SSB: variants seen among roughly 807,000 people sequenced by gnomAD.
The protein encoded by SSB is small RNA binding exonuclease protection factor La.
Under a neutral mutation model 52.9 loss-of-function variants are expected in SSB, and 17 were observed. That is an observed-to-expected ratio of 0.32 (90% CI 0.22 to 0.48). SSB has a LOEUF of 0.48. SSB is among the 20% of genes least tolerant of loss of function. The pLI, the probability that SSB is intolerant of heterozygous loss-of-function variation, is 0.99. For missense variants in SSB, 314 were observed against 463.6 expected, an observed-to-expected ratio of 0.68 and a Z score of 2.96; for synonymous variants, 111 against 152.1, an observed-to-expected ratio of 0.73 and a Z score of 1.99.
chr2:169,806,286 G>T (rs1430126115), intron 4 of SSB, among the ~76,000 whole-genome samples: 1 of 152,040 alleles, frequency 6.6e-6, no homozygotes, highest in Admixed American at 6.6e-5. Context: ...CTTCATAAAC[G>T]TGGATATTTT....
intron 8 of SSB, 53 bp downstream of exon 8, chr2:169,808,955 T>C: frequency 2.1e-6 from 3 of 1,436,478 alleles, no homozygotes; most frequent in Non-Finnish European, 2.9e-6. Flanking sequence ...GTTAAATGAA[T>C]AGCTTTTAAG....
Position 169,811,913 on chromosome 2 carries a change from T to C in SSB, c.*157T>C. On this transcript the variant is annotated 3_prime_UTR_variant, in exon 12 of 12. Coordinates refer to ENST00000260956, the MANE Select transcript of SSB (RefSeq NM_003142.5). ...TTAACTTGTCTTTTTGTTATGCAAA[T>C]GAGATTTCTTTGAATGTATTGTTCT... 1.9e-6 allele frequency: 3 copies of C among 1,565,978 alleles called. No homozygotes were observed. The highest frequency in any genetic ancestry group is 2.6e-6 in the Non-Finnish European group (3 of 1,141,752).
At chr2:169,804,522 A>G (rs1169784570) in intron 2 of SSB, among the ~76,000 whole-genome samples, 1 of 151,814 alleles carries the variant, frequency 6.6e-6, no homozygotes, top group Non-Finnish European at 1.5e-5. Context: ...AAGTGCTGGG[A>G]TTAGGCATGA....
At chr2:169,810,200 G>A in intron 8 of SSB, 83 bp from the exon 9 acceptor site, 2 of 1,002,240 alleles carry the variant, frequency 2.0e-6, no homozygotes, top group Non-Finnish European at 2.7e-6. Context: ...TCTTTTTCTT[G>A]TATAGCTATA....
chr2:169,808,815 T>C, intron 7 of SSB, 45 bp from the exon 8 acceptor site: 1 of 1,411,436 alleles, frequency 7.1e-7, no homozygotes, highest in African/African-American at 1.5e-5. Flanking sequence ...TTAATTTTCT[T>C]ATATAGTAAA....
At chr2:169,811,120 C>CAA (rs1172175978) in intron 10 of SSB, 63 bp from the exon 11 acceptor site, 1 of 1,591,088 alleles carries the variant, frequency 6.3e-7, no homozygotes, top group African/African-American at 1.4e-5. Context: ...AATCAGTGTT[C>CAA]AAAAACATTG....
chr2:169,806,319 G>C (rs1381704009), intron 4 of SSB, among the ~76,000 whole-genome samples: 1 of 151,986 alleles, frequency 6.6e-6, no homozygotes, highest in Non-Finnish European at 1.5e-5. Context: ...ACTGTTGTGA[G>C]AATTAAATGA....
rs1573961481 is a variant in SSB at position 169,808,521 on chromosome 2, A to G, written c.594A>G (p.Gln198=). Residue 198 remains glutamine (Q), a synonymous_variant, in exon 7 of 12, where the codon CAA becomes CAG. Coordinates refer to ENST00000260956, the MANE Select transcript of SSB (RefSeq NM_003142.5). ...YFAKKNEERK[Q]NKVEAKLRAK... ...CCAAAAAAAATGAAGAAAGAAAACA[A>G]AATAAAGTGGAAGCTAAATTAAGAG... The G allele has an allele frequency of 4.3e-6, 7 of 1,613,748 alleles. No homozygotes were observed. Among genetic ancestry groups the G allele is most frequent in the Non-Finnish European group, 5.9e-6 (7 of 1,179,718 alleles).
chr2:169,807,302 T>C (rs1407914916), intron 6 of SSB, among the ~76,000 whole-genome samples: 2 of 152,198 alleles, frequency 1.3e-5, no homozygotes, highest in Non-Finnish European at 2.9e-5. Flanking sequence ...TTTTCTTTTT[T>C]TTTTGAGACA....
chr2:169,809,907 C>T (rs564774596), intron 8 of SSB, among the ~76,000 whole-genome samples: 99 of 152,094 alleles, frequency 6.5e-4, no homozygotes, highest in African/African-American at 3.9e-4. Flanking sequence ...TCAGCCACTG[C>T]GCCCGGCCTA....
chr2:169,805,991 G>T (rs1245265927), intron 4 of SSB, 152 bp downstream of exon 4: 4 of 862,462 alleles, frequency 4.6e-6, no homozygotes, highest in Non-Finnish European at 5.5e-6. Flanking sequence ...GTTTTGTTTT[G>T]AGACAGTCTC....
intron 6 of SSB, 66 bp from the exon 7 acceptor site, chr2:169,808,416 T>G (rs773554009): frequency 7.8e-7 from 1 of 1,289,194 alleles, no homozygotes; most frequent in African/African-American, 1.5e-5. Flanking sequence ...TCTTAAGTTA[T>G]TCAAAATAAT....
At chr2:169,804,901 G>C (rs1040030858) in intron 2 of SSB, among the ~76,000 whole-genome samples, 3 of 152,098 alleles carry the variant, frequency 2.0e-5, no homozygotes, top group Non-Finnish European at 2.9e-5. Context: ...ACTTTGGGAG[G>C]CCGAGGTGGG....
intron 8 of SSB, among the ~76,000 whole-genome samples, chr2:169,809,250 G>A: frequency 6.6e-6 from 1 of 152,186 alleles, no homozygotes; most frequent in Non-Finnish European, 1.5e-5. Flanking sequence ...GCGTGGTGGT[G>A]CATGCCTGTA....
At chr2:169,803,253 A>ATTAT (rs1349756463) in intron 2 of SSB, among the ~76,000 whole-genome samples, 2 of 151,848 alleles carry the variant, frequency 1.3e-5, no homozygotes, top group Non-Finnish European at 2.9e-5. Flanking sequence ...TTTACAGTAC[A>ATTAT]TTATTTATTT....
intron 2 of SSB, among the ~76,000 whole-genome samples, chr2:169,804,083 T>C (rs1408288888): frequency 6.6e-6 from 1 of 152,164 alleles, no homozygotes; most frequent in African/African-American, 2.4e-5. Context: ...GTTCTCTTTT[T>C]ACCCTTCTTC....
intron 6 of SSB, among the ~76,000 whole-genome samples, chr2:169,807,499 G>T (rs919715414): frequency 6.6e-6 from 1 of 152,060 alleles, no homozygotes; most frequent in Non-Finnish European, 1.5e-5. Context: ...ATGTTGGCCA[G>T]GCTGGTCTTG....
At position 169,811,928 on chromosome 2, in the gene SSB, T is replaced by C. The variant is rs1232091879; in HGVS notation, c.*172T>C. The C allele has an allele frequency of 2.0e-6, 3 of 1,506,922 alleles. No homozygotes were observed. Among genetic ancestry groups the C allele is most frequent in the African/African-American group, 2.8e-5 (2 of 72,062 alleles). The allele number at this position is 1,506,922 out of a possible 1,614,324, so 93.3% of individuals were successfully genotyped here. ...GTTATGCAAATGAGATTTCTTTGAA[T>C]GTATTGTTCTGTTTGTGTTATTTCA... On this transcript the variant is annotated 3_prime_UTR_variant, in exon 12 of 12. Coordinates refer to ENST00000260956, the MANE Select transcript of SSB (RefSeq NM_003142.5).
At chr2:169,809,131 A>G (rs1438913692) in intron 8 of SSB, 9 of 508,096 alleles carry the variant, frequency 1.8e-5, no homozygotes, top group South Asian at 5.9e-5. Flanking sequence ...CTGTAATCCC[A>G]GCACTTTGGA....
Sources: allele counts gnomAD v4.1 joint callset (sites outside exome capture counted in the v4.1 genomes callset), GRCh38; gene constraint gnomAD v4.1.1; transcripts MANE v1.5; gene names NCBI Gene and HGNC (gene_info 2026-07-23, HGNC 2026-07-21).